CACNA1S: variants seen among roughly 807,000 people sequenced by gnomAD.
CACNA1S encodes the protein calcium voltage-gated channel subunit alpha1 S.
Under a neutral mutation model 207.4 loss-of-function variants are expected in CACNA1S, and 126 were observed. The observed-to-expected ratio is 0.61, with a 90% CI of 0.53 to 0.70. The LOEUF is 0.70. Among genes scored for constraint, CACNA1S ranks in the 30% least tolerant of loss-of-function variants. The probability of loss-of-function intolerance (pLI) is 0.00; values close to 1 mark genes in which losing one functional copy is unlikely to be tolerated. For synonymous variants in CACNA1S, 960 were observed against 932.7 expected (o/e 1.03, Z -0.53); for missense variants, 2,349 against 2,422.8 (o/e 0.97, Z 0.64).
rs1008948648 is a variant in CACNA1S at position 201,087,821 on chromosome 1, C to T, written c.1004+5G>A. 6.3e-7 allele frequency: 1 copy of T among 1,593,334 alleles called. No individual in the cohort carries two copies. Among genetic ancestry groups the T allele is most frequent in the Non-Finnish European group, 8.6e-7 (1 of 1,163,454 alleles). ...TTCTCCCCTGGCTACCTTTGAATTT[C>T]TTACCCACTCAGGACACCCAGCACC... On this transcript the variant is annotated splice_donor_5th_base_variant and intron_variant, in intron 7 of 43. Transcript: ENST00000362061.
chr1:201,101,647 T>C (rs536507920), intron 2 of CACNA1S, among the ~76,000 whole-genome samples: 36 of 152,248 alleles, frequency 2.4e-4, no homozygotes, highest in African/African-American at 8.2e-4. Flanking sequence ...CACCTTCTGG[T>C]GTCTGATGCC....
chr1:201,108,128 C>T (rs551105064), intron 2 of CACNA1S, among the ~76,000 whole-genome samples: 2 of 140,712 alleles, frequency 1.4e-5, no homozygotes, highest in African/African-American at 5.5e-5. Flanking sequence ...TTTTTTGAGA[C>T]AGGGTCTCAC....
At chr1:201,092,584 T>G (rs1182470193) in intron 3 of CACNA1S, among the ~76,000 whole-genome samples, 2 of 152,186 alleles carry the variant, frequency 1.3e-5, no homozygotes. Context: ...CTCTCTTAAT[T>G]TACTCAAATT....
chr1:201,092,971 A>G (rs943763270), intron 3 of CACNA1S, among the ~76,000 whole-genome samples: 3 of 152,188 alleles, frequency 2.0e-5, no homozygotes, highest in Non-Finnish European at 4.4e-5. Context: ...AAGTTGCTTG[A>G]CTTTTCTGTT....
At chr1:201,061,202 G>C in intron 25 of CACNA1S, 65 bp downstream of exon 25, 1 of 1,461,038 alleles carries the variant, frequency 6.8e-7, no homozygotes, top group Non-Finnish European at 9.6e-7. Flanking sequence ...GCTGAACCTA[G>C]GGCTTGGGCC....
rs748848750 is a variant in CACNA1S at position 201,061,396 on chromosome 1, G to T, written c.3126C>A (p.Ala1042=). Residue 1042 remains alanine (A), a synonymous_variant, in exon 25 of 44, where the codon GCC becomes GCA. Coordinates refer to ENST00000362061, the MANE Select transcript of CACNA1S (RefSeq NM_000069.3). The part of the protein sequence containing the change: ...GPIYNNRVEM[A]IFFIIYIILI... ...GGATGATGTAGATGATGAAGAAGAT[G>T]GCCATCTCCACACGGTTGTTGTAGA... 84 of 1,614,196 alleles carry T rather than the reference G, an allele frequency of 5.2e-5. No homozygotes were observed. In the South Asian group the frequency reaches 8.3e-4, roughly 16 times the overall value.
Position 201,040,724 on chromosome 1 carries a change from G to A in CACNA1S, c.5135-11C>T, listed in dbSNP as rs867184006. The A allele has an allele frequency of 1.9e-6, 3 of 1,610,276 alleles. No homozygotes were observed. Among genetic ancestry groups the A allele is most frequent in the African/African-American group, 1.3e-5 (1 of 74,874 alleles). ...GTTTGCTGTGGGGTCCTGTATGCAA[G>A]AAGGGGCAAGGATAAGAGGGGCTGC... On this transcript the variant is annotated splice_polypyrimidine_tract_variant and intron_variant, in intron 41 of 43. Transcript: ENST00000362061.
rs142071118 is a variant in CACNA1S at position 201,055,903 on chromosome 1, T to C, written c.3610-1342A>G. Among the ~76,000 whole-genome samples, 895 of 152,314 alleles carry C rather than the reference T, an allele frequency of 5.9e-3. 12 individuals are homozygous for C. Among genetic ancestry groups the C allele is most frequent in the African/African-American group, 0.021 (853 of 41,570 alleles). ...GACCTCAGATTTTAAGAAGTAACTA[T>C]TTTTAGTTTGGGCTGTTTATTTTGG... On this transcript the variant is annotated intron_variant, in intron 28 of 43. Transcript: ENST00000362061.
chr1:201,075,629 G>C lies in CACNA1S; in HGVS notation c.1828-14C>G. 6.2e-7 allele frequency: 1 copy of C among 1,613,766 alleles called. No homozygotes were observed. The highest frequency in any genetic ancestry group is 8.5e-7 in the Non-Finnish European group (1 of 1,179,644). On this transcript the variant is annotated splice_polypyrimidine_tract_variant and intron_variant, in intron 12 of 43. Coordinates refer to ENST00000362061, the MANE Select transcript of CACNA1S (RefSeq NM_000069.3). ...CCCTGTCAGTACCTGTATGGAGGGAGGATAGAGGGCTCGGGAACACAGAGG... is the reference window on the plus strand; with the variant it reads ...CCCTGTCAGTACCTGTATGGAGGGACGATAGAGGGCTCGGGAACACAGAGG...
chr1:201,058,860 T>C (rs753640756), intron 27 of CACNA1S, among the ~76,000 whole-genome samples: 1 of 152,150 alleles, frequency 6.6e-6, no homozygotes, highest in East Asian at 1.9e-4. Context: ...CTGGGAACCA[T>C]GGCAATGGAC....
chr1:201,098,852 G>A (rs1662535469), intron 2 of CACNA1S, among the ~76,000 whole-genome samples: 1 of 152,160 alleles, frequency 6.6e-6, no homozygotes, highest in South Asian at 2.1e-4. Context: ...ATTATTAAAT[G>A]TCCCCTTCAA....
In CACNA1S at chr1:201,054,571, A is replaced by G. The variant is rs749109328; in HGVS notation, c.3610-10T>C. 3 of 1,611,318 alleles carry G rather than the reference A, an allele frequency of 1.9e-6. No homozygotes were observed. Among genetic ancestry groups the G allele is most frequent in the South Asian group, 1.1e-5 (1 of 90,472 alleles). ...TGGAGGCCAGGAAAGTCTGTGGAGA[A>G]AAGAGACGAAGGGAGGGGAAGGAGA... is the stretch of plus-strand genomic sequence containing the variant. On this transcript the variant is annotated splice_polypyrimidine_tract_variant and intron_variant, in intron 28 of 43. Transcript: ENST00000362061.
rs1387645331 is a variant in CACNA1S at position 201,089,251 on chromosome 1, G to C, written c.900+7C>G. The C allele has an allele frequency of 1.2e-6, 2 of 1,613,952 alleles. No individual in the cohort carries two copies. Among genetic ancestry groups the C allele is most frequent in the Admixed American group, 1.7e-5 (1 of 60,036 alleles). On this transcript the variant is annotated splice_region_variant and intron_variant, in intron 6 of 43. Coordinates refer to ENST00000362061, the MANE Select transcript of CACNA1S (RefSeq NM_000069.3). Reference sequence around the variant, plus strand: ...AGATGGTTCTGCAGGCGCGGGCCCAGACCCACCCAGTAAAGGACGTCAGTC... The same window carrying C: ...AGATGGTTCTGCAGGCGCGGGCCCACACCCACCCAGTAAAGGACGTCAGTC...
intron 24 of CACNA1S, 115 bp from the exon 25 acceptor site, chr1:201,061,583 A>G (rs1182163504): frequency 9.9e-7 from 1 of 1,008,198 alleles, no homozygotes; most frequent in African/African-American, 1.6e-5. Context: ...AGCCTTCTCA[A>G]CAATCAAGTT....
At chr1:201,083,466 C>A (rs77588239) in intron 9 of CACNA1S, 144 bp from the exon 10 acceptor site, 1 of 802,484 alleles carries the variant, frequency 1.2e-6, no homozygotes, top group Admixed American at 1.8e-5. Flanking sequence ...AGGGCATGAG[C>A]TAGGGAGCCA....
intron 2 of CACNA1S, among the ~76,000 whole-genome samples, chr1:201,105,988 G>C (rs1377460486): frequency 1.3e-5 from 2 of 152,144 alleles, no homozygotes; most frequent in Non-Finnish European, 2.9e-5. Flanking sequence ...AAAATGCTTG[G>C]ACCTGCAAAT....
In CACNA1S at chr1:201,066,709, G is replaced by T. The variant is rs1323305052; in HGVS notation, c.2657+178C>A. Among the ~76,000 whole-genome samples, 4 of 152,200 alleles carry T rather than the reference G, an allele frequency of 2.6e-5. No individual in the cohort carries two copies. The highest frequency in any genetic ancestry group is 5.9e-5 in the Non-Finnish European group (4 of 68,032). On this transcript the variant is annotated intron_variant, in intron 20 of 43. Transcript: ENST00000362061. The surrounding 1 kb of genome is among the most constrained non-coding windows in gnomAD (Gnocchi z 4.3). Reference sequence around the variant, plus strand: ...GAACAGAGCGCTGCCCACTTCACTGGTGGCAACCCACATTCCAGCTGGTGA... The same window carrying T: ...GAACAGAGCGCTGCCCACTTCACTGTTGGCAACCCACATTCCAGCTGGTGA...
intron 40 of CACNA1S, chr1:201,043,048 CCTCTCAACA>C: frequency 1.9e-6 from 1 of 523,058 alleles, no homozygotes; most frequent in African/African-American, 1.9e-5. Context: ...AATAAAAGAA[CCTCTCAACA>C]CTGGGGCCAA....
intron 19 of CACNA1S, among the ~76,000 whole-genome samples, chr1:201,068,651 T>C (rs1375799588): frequency 6.6e-6 from 1 of 151,706 alleles, no homozygotes; most frequent in East Asian, 2.0e-4. Context: ...GGTGGGCGGA[T>C]CACAAGGTCA....
Sources: allele counts gnomAD v4.1 joint callset (sites outside exome capture counted in the v4.1 genomes callset), GRCh38; gene constraint gnomAD v4.1.1; non-coding constraint Gnocchi (gnomAD v3.1); transcripts MANE v1.5; gene names NCBI Gene and HGNC (gene_info 2026-07-23, HGNC 2026-07-21).